Variants in FMO5 observed in about 807,000 individuals in gnomAD.
FMO5 encodes the protein flavin containing dimethylaniline monoxygenase 5.
Under a neutral mutation model 43.6 loss-of-function variants are expected in FMO5, and 51 were observed. That is an observed-to-expected ratio of 1.17 (90% CI 0.93 to 1.48). The LOEUF (loss-of-function observed/expected upper bound fraction) is 1.48. Ranked by LOEUF, FMO5 falls within the 40% of genes most tolerant of loss-of-function variation. The probability of loss-of-function intolerance (pLI) is 0.00; values close to 1 mark genes in which losing one functional copy is unlikely to be tolerated. For synonymous variants in FMO5, 187 were observed against 216.5 expected, an observed-to-expected ratio of 0.86 and a Z score of 1.20; for missense variants, 644 against 643.0, an observed-to-expected ratio of 1.00 and a Z score of -0.02.
chr1:147,208,746 G>T, intron 6 of FMO5, 106 bp downstream of exon 6: 1 of 934,854 alleles, frequency 1.1e-6, no homozygotes, highest in Non-Finnish European at 1.7e-6. Context: ...GCCACTGTGG[G>T]TTTTCTTAAT....
chr1:147,225,094 A>C, intron 1 of FMO5, 28 bp from the exon 2 acceptor site: 1 of 1,610,340 alleles, frequency 6.2e-7, no homozygotes, highest in Non-Finnish European at 8.5e-7. Context: ...AAAGACAAAA[A>C]GCACACATCG....
intron 7 of FMO5, among the ~76,000 whole-genome samples, chr1:147,197,402 A>G (rs1553920018): frequency 6.6e-6 from 1 of 152,040 alleles, no homozygotes; most frequent in East Asian, 1.9e-4. Flanking sequence ...GCGTCTGTTT[A>G]CTTGTCTGTC....
chr1:147,218,724 T>C (rs587706563), intron 2 of FMO5, among the ~76,000 whole-genome samples: 2 of 152,362 alleles, frequency 1.3e-5, no homozygotes, highest in South Asian at 4.1e-4. Flanking sequence ...GTGTTGTCCT[T>C]ATTTAATCTC....
At chr1:147,219,668 G>A (rs900581440) in intron 2 of FMO5, among the ~76,000 whole-genome samples, 2 of 151,624 alleles carry the variant, frequency 1.3e-5, no homozygotes, top group African/African-American at 2.4e-5. Flanking sequence ...AAGGATATTC[G>A]GATTGGGAAG....
chr1:147,186,417 A>T lies in FMO5; in HGVS notation c.*483T>A, dbSNP rs587642250. ...TTAGATACATACAACTATTGTAGGA[A>T]CATTATTTCTCTTATCTCTCAGGAA... On this transcript the variant is annotated 3_prime_UTR_variant, in exon 9 of 9. Transcript: ENST00000254090. 1 of 908,560 alleles carries T rather than the reference A, an allele frequency of 1.1e-6. No homozygotes were observed. The highest frequency in any genetic ancestry group is 1.3e-6 in the Non-Finnish European group (1 of 759,780). The allele number at this position is 908,560 out of a possible 1,614,324, so 56.3% of individuals were successfully genotyped here. A position where few individuals can be genotyped will look rare whatever the true frequency, so the allele number is the denominator to read the frequency against.
intron 7 of FMO5, among the ~76,000 whole-genome samples, chr1:147,196,519 A>T (rs6665934): frequency 0.037 from 5,599 of 151,984 alleles, 157 homozygotes; most frequent in South Asian, 0.095. Context: ...CCTATCTATT[A>T]CCCTATCTGT....
intron 2 of FMO5, among the ~76,000 whole-genome samples, chr1:147,220,602 T>C (rs1662837469): frequency 6.6e-6 from 1 of 152,220 alleles, no homozygotes; most frequent in African/African-American, 2.4e-5. Context: ...CAAACGCTAT[T>C]TCAAGCCAGG....
chr1:147,204,443 G>A (rs1421494286), intron 6 of FMO5: 1 of 1,266,114 alleles, frequency 7.9e-7, no homozygotes, highest in Non-Finnish European at 1.2e-6. Context: ...GAGGTACGAA[G>A]TAGAGATGAG....
rs1661915125 is a variant in FMO5 at position 147,215,962 on chromosome 1, T to C, written c.136-20A>G. The stretch of plus-strand genomic sequence containing the variant: ...ATTTTCCTGCAATAAATAGAAAGTA[T>C]TCATAGCAACTTGAGGATCATCTTC... On this transcript the variant is annotated intron_variant, in intron 2 of 8. Transcript: ENST00000254090. The C allele has an allele frequency of 6.4e-7, 1 of 1,567,402 alleles. No homozygotes were observed.
At chr1:147,212,580 T>G in intron 4 of FMO5, 45 bp from the exon 5 acceptor site, 1 of 1,551,278 alleles carries the variant, frequency 6.4e-7, no homozygotes, top group African/African-American at 1.4e-5. Flanking sequence ...GTTTACATGA[T>G]AGATATCATT....
chr1:147,219,478 T>G (rs1662609711), intron 2 of FMO5, among the ~76,000 whole-genome samples: 1 of 152,096 alleles, frequency 6.6e-6, no homozygotes, highest in Non-Finnish European at 1.5e-5. Context: ...GGAGAGAAAC[T>G]TCCTCAATTT....
chr1:147,198,663 A>T (rs1040915376), intron 7 of FMO5, among the ~76,000 whole-genome samples: 9 of 151,926 alleles, frequency 5.9e-5, no homozygotes, highest in African/African-American at 2.2e-4. Flanking sequence ...ATCCTGGCTA[A>T]CATGGTGAAA....
chr1:147,216,638 TA>T (rs1662042138), intron 2 of FMO5, among the ~76,000 whole-genome samples: 1 of 152,164 alleles, frequency 6.6e-6, no homozygotes. Context: ...GCATTATTCA[TA>T]ATACAAAAAT....
At position 147,201,522 on chromosome 1, in the gene FMO5, G is replaced by T; in HGVS notation, c.831-18C>A. The T allele has an allele frequency of 6.3e-7, 1 of 1,582,342 alleles. No individual in the cohort carries two copies. The highest frequency in any genetic ancestry group is 8.7e-7 in the Non-Finnish European group (1 of 1,155,762). On this transcript the variant is annotated intron_variant, in intron 6 of 8. Coordinates refer to ENST00000254090, the MANE Select transcript of FMO5 (RefSeq NM_001461.4). Reference sequence around the variant, plus strand: ...TCAGAGCTCTGTGAGTCGTGACAAAGATCAAGTGGAGAAATGAGAGAAAGA... The same window carrying T: ...TCAGAGCTCTGTGAGTCGTGACAAATATCAAGTGGAGAAATGAGAGAAAGA...
chr1:147,186,857 G>C lies in FMO5; in HGVS notation c.*43C>G. On this transcript the variant is annotated 3_prime_UTR_variant, in exon 9 of 9. Coordinates refer to ENST00000254090, the MANE Select transcript of FMO5 (RefSeq NM_001461.4). ...TCGTCAGATTCTGAAGGCATCTGTA[G>C]ATAAGCTTCCCAATGAAAAACAGGG... The C allele has an allele frequency of 6.3e-7, 1 of 1,574,890 alleles. No homozygotes were observed. Among genetic ancestry groups the C allele is most frequent in the Admixed American group, 1.8e-5 (1 of 56,554 alleles).
downstream of FMO5, among the ~76,000 whole-genome samples, chr1:147,185,999 T>G (rs1240130482): frequency 4.6e-5 from 7 of 152,148 alleles, no homozygotes; most frequent in Non-Finnish European, 1.0e-4. Context: ...AAATACTTAC[T>G]TAGACTCCAT....
At position 147,223,844 on chromosome 1, in the gene FMO5, C is replaced by T. The variant is rs145643719; in HGVS notation, c.135+1051G>A. The T allele has an allele frequency of 3.5e-3, 1,074 of 303,050 alleles. 8 individuals are homozygous for T. Among genetic ancestry groups the T allele is most frequent in the African/African-American group, 0.015 (676 of 44,462 alleles). 18.8% of individuals were successfully genotyped at this position (303,050 alleles called of 1,614,324 possible). On this transcript the variant is annotated intron_variant, in intron 2 of 8. Transcript: ENST00000254090. ...GCCAAACAGCTACTGACTGCTTACG[C>T]GGGCCCACAAGCACAGACCAGAGAC...
In FMO5 at chr1:147,212,523, A is replaced by T; in HGVS notation, c.500T>A (p.Phe167Tyr). The stretch of plus-strand genomic sequence containing the variant: ...TCGACTGTGGAAGTACTGCCCTTTG[A>T]ACTTCTCAATTCCTGCAAGAGAAGG... ...PLESFPGIEK[F>Y]KGQYFHSRDY... The change falls in exon 5 of 9, where the codon TTC becomes TAC. Residue 167 changes from phenylalanine (F) to tyrosine (Y), a missense_variant. Transcript: ENST00000254090. 6.2e-7 allele frequency: 1 copy of T among 1,613,050 alleles called. No homozygotes were observed. Among genetic ancestry groups the T allele is most frequent in the Admixed American group, 1.7e-5 (1 of 59,910 alleles).
intron 8 of FMO5, among the ~76,000 whole-genome samples, chr1:147,187,536 G>A (rs896988641): frequency 9.2e-5 from 14 of 152,128 alleles, no homozygotes; most frequent in African/African-American, 3.1e-4. Context: ...TGAAGGATGT[G>A]AAAGATACAG....
Sources: gnomAD v4.1 joint callset for allele counts (sites outside exome capture counted in the v4.1 genomes callset) on GRCh38, gnomAD v4.1.1 for gene constraint, MANE v1.5 for transcripts, NCBI Gene and HGNC (gene_info 2026-07-23, HGNC 2026-07-21) for gene names.